The following C1orf116 variants were observed in gnomAD, a reference collection of about 807,000 sequenced individuals.
The protein encoded by C1orf116 is specifically androgen-regulated gene protein.
Under a neutral mutation model 14.1 loss-of-function variants are expected in C1orf116, and 12 were observed. That is an observed-to-expected ratio of 0.85 (90% CI 0.54 to 1.38). The LOEUF is 1.38. C1orf116 is among the 40% of genes most tolerant of loss of function. The pLI is 0.00. For missense variants in C1orf116, 797 were observed against 747.0 expected (o/e 1.07, Z -0.78); for synonymous variants, 296 against 299.0 (o/e 0.99, Z 0.10).
intron 1 of C1orf116, among the ~76,000 whole-genome samples, chr1:207,030,439 C>A (rs1378616050): frequency 6.6e-6 from 1 of 152,192 alleles, no homozygotes; most frequent in Non-Finnish European, 1.5e-5. Flanking sequence ...TGCAAATCAT[C>A]TGCTTCAGCT....
Position 207,020,507 on chromosome 1 carries a change from T to C in C1orf116, c.*1451A>G, listed in dbSNP as rs1361635673. On this transcript the variant is annotated 3_prime_UTR_variant, in exon 4 of 4. Transcript: ENST00000359470. The stretch of plus-strand genomic sequence containing the variant: ...TTCCTAAGGGGAAGCAGGAGTCATG[T>C]CTGGCCATGTCTCACCTCCAAGCTT... 1 of 152,156 alleles carries C rather than the reference T, an allele frequency of 6.6e-6. No individual in the cohort carries two copies. The highest frequency in any genetic ancestry group is 3.2e-3 in the Middle Eastern group (1 of 316). 9.4% of individuals were successfully genotyped at this position (152,156 alleles called of 1,614,324 possible).
Position 207,021,911 on chromosome 1 carries a change from T to C in C1orf116, c.*47A>G, listed in dbSNP as rs749321897. 1 of 1,474,750 alleles carries C rather than the reference T, an allele frequency of 6.8e-7. No individual in the cohort carries two copies. The allele number at this position is 1,474,750 out of a possible 1,614,324, so 91.4% of individuals were successfully genotyped here. On this transcript the variant is annotated 3_prime_UTR_variant, in exon 4 of 4. Transcript: ENST00000359470. ...GGCAAAGGCTCCCAAGTGGAGCATG[T>C]GTCTCTTCTTGTTCAGCCAGGACAG...
chr1:207,021,845 A>ATC lies in C1orf116; in HGVS notation c.*111_*112dup. On this transcript the variant is annotated 3_prime_UTR_variant, in exon 4 of 4. Transcript: ENST00000359470. ...AATATAAATGTATGCTTGGACTCAA[A>ATC]TCTCTCCCTCCCATTCATCTTGAGC... is the stretch of plus-strand genomic sequence containing the variant. The ATC allele has an allele frequency of 9.3e-7, 1 of 1,076,978 alleles. No individual in the cohort carries two copies. The allele number at this position is 1,076,978 out of a possible 1,614,324, so 66.7% of individuals were successfully genotyped here. A position where few individuals can be genotyped will look rare whatever the true frequency, so the allele number is the denominator to read the frequency against.
intron 3 of C1orf116, among the ~76,000 whole-genome samples, chr1:207,023,959 C>T (rs11120074): frequency 0.062 from 9,516 of 152,272 alleles, 931 homozygotes; most frequent in African/African-American, 0.21. Context: ...AAATTTGGGA[C>T]AGTTCCTTCT....
rs1013904021 is a variant in C1orf116 at position 207,022,530 on chromosome 1, G to C, written c.1234C>G (p.Gln412Glu). The change falls in exon 4 of 4, where the codon CAA (glutamine) becomes GAA (glutamate). Residue 412 changes from glutamine (Q) to glutamate (E), a missense_variant. Gln to Glu is a conservative substitution (Grantham distance 29). Coordinates refer to ENST00000359470, the MANE Select transcript of C1orf116 (RefSeq NM_023938.6). ...GGACCTGGAGCTGGAGCCGGAGCTT[G>C]AGCCAGAGCCTTCCCAGCAGCAGGA... ...AIPAAGKALA[Q>E]APAPAPGPAQ... The C allele has an allele frequency of 3.1e-6, 5 of 1,614,182 alleles. No homozygotes were observed. Among genetic ancestry groups the C allele is most frequent in the Non-Finnish European group, 4.2e-6 (5 of 1,180,016 alleles).
At position 207,021,944 on chromosome 1, in the gene C1orf116, A is replaced by G. The variant is rs769302787; in HGVS notation, c.*14T>C. 4 of 1,517,536 alleles carry G rather than the reference A, an allele frequency of 2.6e-6. No homozygotes were observed. The South Asian group carries it at 5.3e-5, about 20-fold the overall frequency. 94.0% of individuals were successfully genotyped at this position (1,517,536 alleles called of 1,614,324 possible). ...CTTGTTCAGCCAGGACAGGGTCTGTACTGGTCGCAGAGTCTACTCCTTCAA... is the reference window on the plus strand; with the variant it reads ...CTTGTTCAGCCAGGACAGGGTCTGTGCTGGTCGCAGAGTCTACTCCTTCAA... On this transcript the variant is annotated 3_prime_UTR_variant, in exon 4 of 4. Transcript: ENST00000359470.
Position 207,027,678 on chromosome 1 carries a change from GC to G in C1orf116, c.-81del. ...GGAAGTGAACAATGTCCCAAGCCGG[GC>G]CTGAAAAGAGAAGAATCAAAGCCAC... On this transcript the variant is annotated splice_region_variant and 5_prime_UTR_variant, in exon 2 of 4. Coordinates refer to ENST00000359470, the MANE Select transcript of C1orf116 (RefSeq NM_023938.6). The G allele has an allele frequency of 6.4e-7, 1 of 1,568,310 alleles. No homozygotes were observed. The highest frequency in any genetic ancestry group is 1.1e-5 in the South Asian group (1 of 88,170).
chr1:207,029,812 T>C (rs1572699497), intron 1 of C1orf116, among the ~76,000 whole-genome samples: 1 of 152,198 alleles, frequency 6.6e-6, no homozygotes, highest in East Asian at 1.9e-4. Flanking sequence ...AAAAAGTCAA[T>C]GTAGATCTAA....
At chr1:207,027,722 G>A (rs756524094) in intron 1 of C1orf116, 43 bp from the exon 2 acceptor site, 15 of 1,479,236 alleles carry the variant, frequency 1.0e-5, no homozygotes, top group African/African-American at 5.6e-5. Flanking sequence ...CCGAGGCTTC[G>A]GCAAGGCTCT....
rs751435378 is a variant in C1orf116, at chr1:207,021,295, C to G, written c.*663G>C. ...CACTTATCCTGCCTTCTCAGACCAA[C>G]AAGAGCTGTTCTGCTATCAATCAAC... On this transcript the variant is annotated 3_prime_UTR_variant, in exon 4 of 4. Coordinates refer to ENST00000359470, the MANE Select transcript of C1orf116 (RefSeq NM_023938.6). 5.9e-5 allele frequency: 9 copies of G among 152,618 alleles called. No individual in the cohort carries two copies. The highest frequency in any genetic ancestry group is 8.8e-5 in the Non-Finnish European group (6 of 68,030). 9.5% of individuals were successfully genotyped at this position (152,618 alleles called of 1,614,324 possible). A position where few individuals can be genotyped will look rare whatever the true frequency, so the allele number is the denominator to read the frequency against.
chr1:207,027,485 A>G lies in C1orf116; in HGVS notation c.105+9T>C. ...CAGACCAGGTTGCGGGAGGGAGAGT[A>G]TTACGTACAGATCCAGAGCGGGTGG... On this transcript the variant is annotated intron_variant, in intron 2 of 3. Transcript: ENST00000359470. 6.2e-7 allele frequency: 1 copy of G among 1,613,724 alleles called. No individual in the cohort carries two copies. Among genetic ancestry groups the G allele is most frequent in the South Asian group, 1.1e-5 (1 of 91,078 alleles).
At position 207,022,530 on chromosome 1, in the gene C1orf116, G is replaced by A. The variant is rs1013904021; in HGVS notation, c.1234C>T (p.Gln412Ter). 1.2e-6 allele frequency: 2 copies of A among 1,614,182 alleles called. No homozygotes were observed. The highest frequency in any genetic ancestry group is 2.2e-5 in the South Asian group (2 of 91,078). Residue 412 changes from glutamine to a stop codon, truncating the protein, a stop_gained, in exon 4 of 4, where the codon CAA becomes TAA. Transcript: ENST00000359470. LOFTEE classifies it low-confidence loss of function (END_TRUNC). ...GGACCTGGAGCTGGAGCCGGAGCTTGAGCCAGAGCCTTCCCAGCAGCAGGA... is the reference window on the plus strand; with the variant it reads ...GGACCTGGAGCTGGAGCCGGAGCTTAAGCCAGAGCCTTCCCAGCAGCAGGA... Reference protein sequence around the residue: ...AIPAAGKALAQAPAPAPGPAQ... With the variant: ...AIPAAGKALA
chr1:207,018,640 G>A lies in C1orf116; in HGVS notation c.*3318C>T, dbSNP rs1322696934. 6.6e-6 allele frequency: 1 copy of A among 152,174 alleles called. No homozygotes were observed. The highest frequency in any genetic ancestry group is 1.5e-5 in the Non-Finnish European group (1 of 68,042). The allele number at this position is 152,174 out of a possible 1,614,324, so 9.4% of individuals were successfully genotyped here. On this transcript the variant is annotated 3_prime_UTR_variant, in exon 4 of 4. Coordinates refer to ENST00000359470, the MANE Select transcript of C1orf116 (RefSeq NM_023938.6). ...TGGTATTATTTTCCCCGTCTTATAGGTGAAGACTCTGAGGTTCAGAAAGTT... is the reference window on the plus strand; with the variant it reads ...TGGTATTATTTTCCCCGTCTTATAGATGAAGACTCTGAGGTTCAGAAAGTT...
In C1orf116 at chr1:207,027,670, C is replaced by A; in HGVS notation, c.-72G>T. 1.3e-6 allele frequency: 2 copies of A among 1,579,162 alleles called. No homozygotes were observed. Among genetic ancestry groups the A allele is most frequent in the Non-Finnish European group, 8.6e-7 (1 of 1,165,970 alleles). On this transcript the variant is annotated 5_prime_UTR_variant, in exon 2 of 4. Transcript: ENST00000359470. Reference sequence around the variant, plus strand: ...AAGCGAGGGGAAGTGAACAATGTCCCAAGCCGGGCCTGAAAAGAGAAGAAT... The same window carrying A: ...AAGCGAGGGGAAGTGAACAATGTCCAAAGCCGGGCCTGAAAAGAGAAGAAT...
At chr1:207,027,774 G>T (rs1682127855) in intron 1 of C1orf116, 95 bp from the exon 2 acceptor site, 2 of 1,347,924 alleles carry the variant, frequency 1.5e-6, no homozygotes, top group South Asian at 1.5e-5. Context: ...CACCAAGCAA[G>T]CAGAGAGCTG....
At position 207,024,898 on chromosome 1, in the gene C1orf116, G is replaced by T. The variant is rs1572695832; in HGVS notation, c.272C>A (p.Pro91His). 5 of 1,612,396 alleles carry T rather than the reference G, an allele frequency of 3.1e-6. No homozygotes were observed. The highest frequency in any genetic ancestry group is 1.3e-5 in the African/African-American group (1 of 74,992). ...RGFRALPITQPTPRGGPEETI... is the reference protein window; with the variant it reads ...RGFRALPITQHTPRGGPEETI... The stretch of plus-strand genomic sequence containing the variant: ...AGGGTCTGCCTTACCCCGGGGAGTG[G>T]GTTGGGTTATGGGCAGTGCTCGGAA... Residue 91 changes from proline (P) to histidine (H), a missense_variant, in exon 3 of 4, where the codon CCC (proline) becomes CAC (histidine). Pro to His is a moderately conservative substitution (Grantham distance 77). Transcript: ENST00000359470.
rs1332840239 is a variant in C1orf116 at position 207,024,929 on chromosome 1, T to G, written c.241A>C (p.Arg81=). The change falls in exon 3 of 4, where the codon AGA becomes CGA. Residue 81 remains arginine (R), a synonymous_variant. Coordinates refer to ENST00000359470, the MANE Select transcript of C1orf116 (RefSeq NM_023938.6). ...TDESEPATTP[R]GFRALPITQP... ...GTTATGGGCAGTGCTCGGAAACCTC[T>G]GGGAGTTGTGGCTGGCTCAGACTCG... The G allele has an allele frequency of 6.2e-7, 1 of 1,614,006 alleles. No homozygotes were observed. Among genetic ancestry groups the G allele is most frequent in the African/African-American group, 1.3e-5 (1 of 74,916 alleles).
At chr1:207,028,005 G>C (rs954115277) in intron 1 of C1orf116, among the ~76,000 whole-genome samples, 4 of 152,128 alleles carry the variant, frequency 2.6e-5, no homozygotes, top group African/African-American at 7.2e-5. Flanking sequence ...CAATACCTTG[G>C]GTTCTGGAGT....
At chr1:207,027,439 G>GCAGGGCAGGC (rs1050086419) in intron 2 of C1orf116, 55 bp downstream of exon 2, 196 of 1,602,556 alleles carry the variant, frequency 1.2e-4, no homozygotes, top group Middle Eastern at 5.0e-4. Flanking sequence ...GCAGGGCAGG[G>GCAGGGCAGGC]CAGGGCAGGT....
Sources: gnomAD v4.1 joint callset for allele counts (sites outside exome capture counted in the v4.1 genomes callset) on GRCh38, gnomAD v4.1.1 for gene constraint, MANE v1.5 for transcripts, NCBI Gene and HGNC (gene_info 2026-07-23, HGNC 2026-07-21) for gene names.